The following FOCAD variants were observed in gnomAD, a reference collection of about 807,000 sequenced individuals.
The protein encoded by FOCAD is KIAA1797.
FOCAD carries 198 observed loss-of-function variants against 225.6 expected under a neutral mutation model. The observed-to-expected ratio is 0.88, with a 90% CI of 0.78 to 0.99. The LOEUF (loss-of-function observed/expected upper bound fraction) is 0.99. Ranked by LOEUF, FOCAD falls within the 50% of genes least tolerant of loss-of-function variation. FOCAD has a pLI of 0.00. For missense variants in FOCAD, 2,713 were observed against 2,123.6 expected (o/e 1.28, Z -5.46); for synonymous variants, 897 against 755.0 (o/e 1.19, Z -3.08).
intron 21 of FOCAD, among the ~76,000 whole-genome samples, chr9:20,900,021 C>A (rs553698759): frequency 6.6e-6 from 1 of 151,984 alleles, no homozygotes; most frequent in East Asian, 1.9e-4. Flanking sequence ...AAGTGGCGTT[C>A]CTCTTTTGTT....
chr9:20,690,342 A>G (rs1014454560), intron 1 of FOCAD, among the ~76,000 whole-genome samples: 3 of 152,164 alleles, frequency 2.0e-5, no homozygotes, highest in African/African-American at 4.8e-5. Context: ...GTATTTTTCC[A>G]TGTTAAAATA....
chr9:20,787,639 A>G (rs941243806), intron 10 of FOCAD, among the ~76,000 whole-genome samples: 16 of 152,220 alleles, frequency 1.1e-4, no homozygotes, highest in African/African-American at 3.9e-4. Flanking sequence ...TGGTTCAGAC[A>G]GTAGAAAATT....
At chr9:20,866,412 A>G (rs1164925511) in intron 17 of FOCAD, among the ~76,000 whole-genome samples, 2 of 151,942 alleles carry the variant, frequency 1.3e-5, no homozygotes, top group African/African-American at 4.8e-5. Context: ...AGATTCCAAA[A>G]AGGCTAACTT....
chr9:20,804,864 G>A (rs1190174643), intron 11 of FOCAD, among the ~76,000 whole-genome samples: 1 of 151,972 alleles, frequency 6.6e-6, no homozygotes, highest in East Asian at 1.9e-4. Context: ...ATCAGTGGCG[G>A]GGGGTGGGGG....
At chr9:20,759,369 G>C (rs113660304) in intron 6 of FOCAD, among the ~76,000 whole-genome samples, 4,684 of 152,214 alleles carry the variant, frequency 0.031, 259 homozygotes, top group African/African-American at 0.11. Flanking sequence ...CAGAGATATA[G>C]ATCAATGGAA....
chr9:20,986,639 A>G (rs1335254766), intron 40 of FOCAD, among the ~76,000 whole-genome samples, 174 bp downstream of exon 40: 2 of 152,268 alleles, frequency 1.3e-5, no homozygotes, highest in East Asian at 3.9e-4. Context: ...TATAGCTCAC[A>G]ACATCCACTT....
intron 28 of FOCAD, among the ~76,000 whole-genome samples, chr9:20,940,594 T>C (rs1300843383): frequency 2.6e-5 from 4 of 152,192 alleles, no homozygotes; most frequent in African/African-American, 9.6e-5. Context: ...CATAGTTCTC[T>C]TTTTGGCTTC....
chr9:20,850,412 G>T (rs1275588228), intron 15 of FOCAD, among the ~76,000 whole-genome samples: 2 of 151,646 alleles, frequency 1.3e-5, no homozygotes, highest in Non-Finnish European at 3.0e-5. Context: ...GAGTGTTAGA[G>T]GCATTTTTTA....
At chr9:20,891,542 G>A (rs544208285) in intron 21 of FOCAD, among the ~76,000 whole-genome samples, 2 of 152,140 alleles carry the variant, frequency 1.3e-5, no homozygotes, top group Non-Finnish European at 2.9e-5. Flanking sequence ...TTAGTGGTTT[G>A]GATAAAGGAA....
intron 5 of FOCAD, among the ~76,000 whole-genome samples, chr9:20,747,170 A>C (rs1828111527): frequency 6.6e-6 from 1 of 152,086 alleles, no homozygotes; most frequent in South Asian, 2.1e-4. Context: ...CAAAATGGTG[A>C]TTTTCCCAAC....
intron 11 of FOCAD, among the ~76,000 whole-genome samples, 161 bp downstream of exon 11, chr9:20,789,769 T>C (rs914253765): frequency 5.9e-5 from 9 of 152,170 alleles, no homozygotes; most frequent in African/African-American, 2.2e-4. Flanking sequence ...TTTCTTCTTT[T>C]TCCTTACTCT....
intron 10 of FOCAD, among the ~76,000 whole-genome samples, chr9:20,789,046 C>G (rs1231226725): frequency 1.3e-5 from 2 of 151,514 alleles, no homozygotes; most frequent in Non-Finnish European, 2.9e-5. Flanking sequence ...ATGGCTTTTT[C>G]CAAATGCAAT....
intron 15 of FOCAD, among the ~76,000 whole-genome samples, chr9:20,834,818 T>A (rs1354712745): frequency 6.6e-6 from 1 of 152,070 alleles, no homozygotes; most frequent in Non-Finnish European, 1.5e-5. Flanking sequence ...TAGTGATCAC[T>A]TGAACTATGG....
chr9:20,828,414 G>A (rs1388007059), intron 15 of FOCAD, among the ~76,000 whole-genome samples: 2 of 151,968 alleles, frequency 1.3e-5, no homozygotes, highest in African/African-American at 2.4e-5. Context: ...AAGTTTTTGT[G>A]TGTATACATA....
intron 20 of FOCAD, among the ~76,000 whole-genome samples, chr9:20,882,646 TGAGCATTCAGCCTCAACTTTATTGAG>T: frequency 6.6e-6 from 1 of 152,208 alleles, no homozygotes; most frequent in Non-Finnish European, 1.5e-5. Flanking sequence ...AGCTGGAATC[TGAGCATTCAGCCTCAACTTTATTGAG>T]AAGCTGGTGA....
At chr9:20,739,092 A>T (rs941687763) in intron 4 of FOCAD, among the ~76,000 whole-genome samples, 1 of 152,120 alleles carries the variant, frequency 6.6e-6, no homozygotes, top group African/African-American at 2.4e-5. Flanking sequence ...TGTCACTTGG[A>T]AAACCTTAAA....
chr9:20,778,402 G>T (rs546527806), intron 8 of FOCAD, among the ~76,000 whole-genome samples: 2 of 152,014 alleles, frequency 1.3e-5, no homozygotes, highest in South Asian at 2.1e-4. Context: ...GTATTTTTTT[G>T]ATAGAGACGG....
chr9:20,873,108 A>C (rs1028484925), intron 18 of FOCAD, among the ~76,000 whole-genome samples: 22 of 152,282 alleles, frequency 1.4e-4, no homozygotes, highest in African/African-American at 4.3e-4. Flanking sequence ...TGAGGCTATT[A>C]TAAATAATAA....
chr9:20,755,067 G>C (rs765190164), intron 5 of FOCAD, among the ~76,000 whole-genome samples: 2 of 152,144 alleles, frequency 1.3e-5, no homozygotes, highest in East Asian at 3.8e-4. Context: ...TGGTATGTTA[G>C]TAATCAAATG....
Sources: gnomAD v4.1 joint callset for allele counts (sites outside exome capture counted in the v4.1 genomes callset) on GRCh38, gnomAD v4.1.1 for gene constraint, MANE v1.5 for transcripts, NCBI Gene and HGNC (gene_info 2026-07-23, HGNC 2026-07-21) for gene names.